The following DOC2B variants were observed in gnomAD, a reference collection of about 807,000 sequenced individuals.
DOC2B encodes the protein double C2-like domain-containing protein beta.
In DOC2B, 21 loss-of-function variants were observed where a neutral mutation model predicts 28.9. That is an observed-to-expected ratio of 0.73 (90% CI 0.52 to 1.05). DOC2B has a LOEUF of 1.05. DOC2B is among the 50% of genes least tolerant of loss of function. DOC2B has a pLI of 0.00. For missense variants in DOC2B, 384 were observed against 421.1 expected (o/e 0.91, Z 0.77); for synonymous variants, 194 against 178.1 (o/e 1.09, Z -0.71).
chr17:154,750 G>C (rs1225956527), intron 6 of DOC2B, among the ~76,000 whole-genome samples: 1 of 152,048 alleles, frequency 6.6e-6, no homozygotes, highest in Non-Finnish European at 1.5e-5. Flanking sequence ...ATTATATTTT[G>C]AGAGTGTCTC....
intron 1 of DOC2B, among the ~76,000 whole-genome samples, chr17:177,400 A>C (rs2040382559): frequency 6.6e-6 from 1 of 152,196 alleles, no homozygotes; most frequent in Non-Finnish European, 1.5e-5. Context: ...TCTTTGAGCC[A>C]CTTGGCTCTA....
rs2040435748 is a variant in DOC2B, at chr17:181,056, C to G, written c.373+51G>C. On this transcript the variant is annotated intron_variant, in intron 1 of 8. Transcript: ENST00000613549. The surrounding 1 kb of genome is among the most constrained non-coding windows in gnomAD (Gnocchi z 7.0). ...GGGAAGCCGCGAGGCCGTGGGGGGG[C>G]CGAGCCCGAGCCAGGGGAGGGGGCG... The G allele has an allele frequency of 1.1e-5, 13 of 1,212,066 alleles. No individual in the cohort carries two copies. Among genetic ancestry groups the G allele is most frequent in the Non-Finnish European group, 1.2e-5 (12 of 972,922 alleles). The allele number at this position is 1,212,066 out of a possible 1,614,324, so 75.1% of individuals were successfully genotyped here. A position where few individuals can be genotyped will look rare whatever the true frequency, so the allele number is the denominator to read the frequency against.
chr17:166,358 C>T (rs986726982), intron 2 of DOC2B, among the ~76,000 whole-genome samples: 1 of 152,244 alleles, frequency 6.6e-6, no homozygotes, highest in African/African-American at 2.4e-5. Context: ...AGGGGAAGGT[C>T]GGGAGGCTGT....
rs933670890 is a variant in DOC2B at position 174,792 on chromosome 17, A to C, written c.374-2176T>G. 2.6e-5 allele frequency among the ~76,000 whole-genome samples: 4 copies of C among 152,312 alleles called. No homozygotes were observed. The South Asian group carries it at 6.2e-4, about 24-fold the overall frequency. Reference sequence around the variant, plus strand: ...GTTTCTCCCATGAGACCAGGTGATGATACTTGTTGGAAGTGTGTGCAAACT... The same window carrying C: ...GTTTCTCCCATGAGACCAGGTGATGCTACTTGTTGGAAGTGTGTGCAAACT... On this transcript the variant is annotated intron_variant, in intron 1 of 8. Coordinates refer to ENST00000613549, the MANE Select transcript of DOC2B (RefSeq NM_003585.5).
chr17:158,521 G>A (rs527312139), intron 5 of DOC2B, among the ~76,000 whole-genome samples: 2 of 152,138 alleles, frequency 1.3e-5, no homozygotes, highest in African/African-American at 4.8e-5. Flanking sequence ...AGCCACCTTC[G>A]CCACCTCCCA....
chr17:156,265 AG>A lies in DOC2B; in HGVS notation c.877del (p.Leu293TrpfsTer14). On this transcript the variant is annotated frameshift_variant, in exon 6 of 9. Transcript: ENST00000613549. LOFTEE classifies it high-confidence loss of function. The part of the protein sequence containing the change: ...LLVGIVRCAH[L>X]AAMDANGYSD... ...GTAGCCGTTGGCGTCCATGGCGGCCAGGTGGGCGCACCGCACGATGCCTACC... is the reference window on the plus strand; with the variant it reads ...GTAGCCGTTGGCGTCCATGGCGGCCAGTGGGCGCACCGCACGATGCCTACC... 3 of 1,551,636 alleles carry A rather than the reference AG, an allele frequency of 1.9e-6. No homozygotes were observed.
At chr17:159,053 A>AC (rs1446362111) in intron 5 of DOC2B, among the ~76,000 whole-genome samples, 4 of 151,618 alleles carry the variant, frequency 2.6e-5, no homozygotes, top group African/African-American at 7.3e-5. Flanking sequence ...AAAAAAAAAA[A>AC]AAAACAACCA....
chr17:177,009 G>T (rs2040377303), intron 1 of DOC2B, among the ~76,000 whole-genome samples: 2 of 150,544 alleles, frequency 1.3e-5, no homozygotes, highest in East Asian at 3.9e-4. Context: ...ACACCCTTGG[G>T]AATAGGAAAT....
At chr17:169,648 C>T (rs1280415839) in intron 2 of DOC2B, among the ~76,000 whole-genome samples, 1 of 152,110 alleles carries the variant, frequency 6.6e-6, no homozygotes, top group East Asian at 1.9e-4. Flanking sequence ...CAGGGACAAC[C>T]AACCCTATTT....
rs964720109 is a variant in DOC2B at position 144,581 on chromosome 17, C to G, written c.*2860G>C. The G allele has an allele frequency of 6.6e-6, 1 of 152,246 alleles. No individual in the cohort carries two copies. Among genetic ancestry groups the G allele is most frequent in the Non-Finnish European group, 1.5e-5 (1 of 68,054 alleles). The allele number at this position is 152,246 out of a possible 1,614,324, so 9.4% of individuals were successfully genotyped here. On this transcript the variant is annotated 3_prime_UTR_variant, in exon 9 of 9. Transcript: ENST00000613549. Reference sequence around the variant, plus strand: ...CAAAACGCTTTAACAGAAAGACAATCTGCACGGGATCTAAAAGGGTGCTGA... The same window carrying G: ...CAAAACGCTTTAACAGAAAGACAATGTGCACGGGATCTAAAAGGGTGCTGA...
At chr17:155,769 G>A (rs1239577995) in intron 6 of DOC2B, among the ~76,000 whole-genome samples, 4 of 152,220 alleles carry the variant, frequency 2.6e-5, no homozygotes, top group Admixed American at 2.6e-4. Flanking sequence ...TGTTGGTAGA[G>A]CTGGGTGGAC....
chr17:172,436 C>G, intron 2 of DOC2B, 101 bp downstream of exon 2: 1 of 968,512 alleles, frequency 1.0e-6, no homozygotes, highest in East Asian at 2.7e-5. Context: ...ATCCAAAAGC[C>G]TGGACAGGAA....
chr17:169,684 C>T (rs2040289602), intron 2 of DOC2B, among the ~76,000 whole-genome samples: 1 of 152,064 alleles, frequency 6.6e-6, no homozygotes, highest in South Asian at 2.1e-4. Flanking sequence ...GAGACTGACC[C>T]TTATAAGGGG....
At chr17:173,938 G>A (rs1465639946) in intron 1 of DOC2B, among the ~76,000 whole-genome samples, 1 of 152,210 alleles carries the variant, frequency 6.6e-6, no homozygotes, top group East Asian at 1.9e-4. Flanking sequence ...CTCTTCTGCG[G>A]CTGCTTTCCT....
At chr17:172,180 G>A (rs1457816131) in intron 2 of DOC2B, among the ~76,000 whole-genome samples, 1 of 152,038 alleles carries the variant, frequency 6.6e-6, no homozygotes, top group Non-Finnish European at 1.5e-5. Context: ...GGGAGGCCTG[G>A]AGGCACCAGT....
At position 146,446 on chromosome 17, in the gene DOC2B, C is replaced by G. The variant is rs1345902368; in HGVS notation, c.*995G>C. The G allele has an allele frequency of 6.6e-6, 1 of 152,066 alleles. No individual in the cohort carries two copies. The highest frequency in any genetic ancestry group is 2.4e-5 in the African/African-American group (1 of 41,364). 9.4% of individuals were successfully genotyped at this position (152,066 alleles called of 1,614,324 possible). The stretch of plus-strand genomic sequence containing the variant: ...AGTAGAAAGAGATCAGAGTGGGAGA[C>G]TTGGGTCTGAGGTCTGAACTTGAGC... On this transcript the variant is annotated 3_prime_UTR_variant, in exon 9 of 9. Coordinates refer to ENST00000613549, the MANE Select transcript of DOC2B (RefSeq NM_003585.5).
At chr17:178,795 G>C (rs913422777) in intron 1 of DOC2B, among the ~76,000 whole-genome samples, 2 of 152,374 alleles carry the variant, frequency 1.3e-5, no homozygotes, top group Admixed American at 6.5e-5. Context: ...TGTCAGAACA[G>C]AGATAATCCA....
At chr17:147,862 C>T (rs2040032578) in intron 8 of DOC2B, among the ~76,000 whole-genome samples, 1 of 152,230 alleles carries the variant, frequency 6.6e-6, no homozygotes, top group South Asian at 2.1e-4. Context: ...GGCAGCCCCA[C>T]TATGCGCAGC....
At chr17:157,863 C>T (rs770952221) in intron 5 of DOC2B, among the ~76,000 whole-genome samples, 3 of 152,210 alleles carry the variant, frequency 2.0e-5, no homozygotes, top group Non-Finnish European at 2.9e-5. Context: ...GTGCGTTCAA[C>T]CTCATACAAG....
Sources: allele counts gnomAD v4.1 joint callset (sites outside exome capture counted in the v4.1 genomes callset), GRCh38; gene constraint gnomAD v4.1.1; non-coding constraint Gnocchi (gnomAD v3.1); transcripts MANE v1.5; gene names NCBI Gene and HGNC (gene_info 2026-07-23, HGNC 2026-07-21).